LRRC19: variants seen among roughly 807,000 people sequenced by gnomAD.
The protein encoded by LRRC19 is leucine-rich repeat-containing protein 19.
In LRRC19, 33 loss-of-function variants were observed where a neutral mutation model predicts 33.3. The observed-to-expected ratio is 0.99, with a 90% CI of 0.75 to 1.33. The LOEUF (loss-of-function observed/expected upper bound fraction) is 1.33. Among genes scored for constraint, LRRC19 ranks in the 40% most tolerant of loss-of-function variants. The pLI, the probability that LRRC19 is intolerant of heterozygous loss-of-function variation, is 0.00. For synonymous variants in LRRC19, 184 were observed against 152.3 expected (o/e 1.21, Z -1.53); for missense variants, 463 against 417.3 (o/e 1.11, Z -0.95).
At position 26,995,641 on chromosome 9, in the gene LRRC19, T is replaced by C; in HGVS notation, c.993A>G (p.Pro331=). ...TGNPSSLSQI[P]ETNSEETTVI... is the part of the protein sequence containing the mutation. ...CTGTAGTTTCTTCAGAGTTTGTTTCTGGTATCTGTGAAAGAGAGCTTGGAT... is the reference window on the plus strand; with the variant it reads ...CTGTAGTTTCTTCAGAGTTTGTTTCCGGTATCTGTGAAAGAGAGCTTGGAT... Residue 331 remains proline (P), a synonymous_variant, in exon 5 of 5, where the codon CCA becomes CCG. Transcript: ENST00000380055. 1 of 1,613,838 alleles carries C rather than the reference T, an allele frequency of 6.2e-7. No homozygotes were observed. Among genetic ancestry groups the C allele is most frequent in the South Asian group, 1.1e-5 (1 of 91,074 alleles).
In LRRC19 at chr9:26,994,750, C is replaced by G. The variant is rs187660901; in HGVS notation, c.*771G>C. 1 of 152,472 alleles carries G rather than the reference C, an allele frequency of 6.6e-6. No homozygotes were observed. Among genetic ancestry groups the G allele is most frequent in the South Asian group, 2.1e-4 (1 of 4,824 alleles). 9.4% of individuals were successfully genotyped at this position (152,472 alleles called of 1,614,324 possible). ...GCTGTCCATGGACCACATGAAGATT[C>G]CTTAGTGTCAGCACAGACCAATTTG... is the stretch of plus-strand genomic sequence containing the variant. On this transcript the variant is annotated 3_prime_UTR_variant, in exon 5 of 5. Transcript: ENST00000380055.
At chr9:26,996,740 T>C (rs574421334) in intron 3 of LRRC19, among the ~76,000 whole-genome samples, 1 of 152,034 alleles carries the variant, frequency 6.6e-6, no homozygotes, top group South Asian at 2.1e-4. Flanking sequence ...GTGTAGATTT[T>C]ATTATTAATA....
chr9:26,997,745 G>T lies in LRRC19; in HGVS notation c.578C>A (p.Thr193Lys). The T allele has an allele frequency of 6.2e-7, 1 of 1,603,556 alleles. No homozygotes were observed. The highest frequency in any genetic ancestry group is 8.5e-7 in the Non-Finnish European group (1 of 1,177,038). ...SLFNLQNWLNTSNVTLENENI... is the reference protein window; with the variant it reads ...SLFNLQNWLNKSNVTLENENI... ...TAGCTTACCTAATGTCACATTTGATGTGTTCAACCAGTTCTGCAAATTAAA... is the reference window on the plus strand; with the variant it reads ...TAGCTTACCTAATGTCACATTTGATTTGTTCAACCAGTTCTGCAAATTAAA... Residue 193 changes from threonine to lysine, a missense_variant, in exon 3 of 5, where the codon ACA becomes AAA. Transcript: ENST00000380055.
At position 26,997,731 on chromosome 9, in the gene LRRC19, A is replaced by T. The variant is rs748518321; in HGVS notation, c.592T>A (p.Leu198Ile). The change falls in exon 3 of 5, where the codon TTA becomes ATA. Residue 198 changes from leucine (L) to isoleucine (I), a missense_variant. Leu to Ile is a conservative substitution (Grantham distance 5). Transcript: ENST00000380055. ...QNWLNTSNVT[L>I]ENENITMCSY... is the part of the protein sequence containing the mutation. Reference sequence around the variant, plus strand: ...TTGCTTAATTATGATAGCTTACCTAATGTCACATTTGATGTGTTCAACCAG... The same window carrying T: ...TTGCTTAATTATGATAGCTTACCTATTGTCACATTTGATGTGTTCAACCAG... 1.9e-6 allele frequency: 3 copies of T among 1,589,910 alleles called. No homozygotes were observed. In the African/African-American group the frequency reaches 4.1e-5, roughly 22 times the overall value.
intron 3 of LRRC19, 21 bp downstream of exon 3, chr9:26,997,707 T>C (rs199535316): frequency 3.6e-5 from 57 of 1,562,234 alleles, no homozygotes; most frequent in Non-Finnish European, 4.8e-5. Context: ...ATTTTGGTTT[T>C]GCTTAATTAT....
In LRRC19 at chr9:26,995,451, A is replaced by G. The variant is rs1358668443; in HGVS notation, c.*70T>C. ...TGCCAGCTGTATTTTGTTATGTCAC[A>G]TAGCAAAATCTCCATATCTAAACTG... On this transcript the variant is annotated 3_prime_UTR_variant, in exon 5 of 5. Coordinates refer to ENST00000380055, the MANE Select transcript of LRRC19 (RefSeq NM_022901.3). 1 of 862,840 alleles carries G rather than the reference A, an allele frequency of 1.2e-6. No homozygotes were observed. Among genetic ancestry groups the G allele is most frequent in the Non-Finnish European group, 1.8e-6 (1 of 566,064 alleles). 53.4% of individuals were successfully genotyped at this position (862,840 alleles called of 1,614,324 possible).
chr9:26,995,956 C>T, intron 4 of LRRC19, 107 bp from the exon 5 acceptor site: 1 of 797,034 alleles, frequency 1.3e-6, no homozygotes, highest in Non-Finnish European at 1.9e-6. Context: ...TAAAAATAAA[C>T]ATACATTGTA....
chr9:27,000,423 T>C (rs528212173), intron 1 of LRRC19, among the ~76,000 whole-genome samples: 1 of 152,316 alleles, frequency 6.6e-6, no homozygotes, highest in South Asian at 2.1e-4. Context: ...ATTGGCATTA[T>C]CTATCTATTA....
At position 26,993,877 on chromosome 9, in the gene LRRC19, T is replaced by A. The variant is rs950231807; in HGVS notation, c.*1644A>T. Reference sequence around the variant, plus strand: ...TTATTTCACCCATCAATATATTTCATTATTTCAGAGATATACATATTTGTA... The same window carrying A: ...TTATTTCACCCATCAATATATTTCAATATTTCAGAGATATACATATTTGTA... On this transcript the variant is annotated 3_prime_UTR_variant, in exon 5 of 5. Coordinates refer to ENST00000380055, the MANE Select transcript of LRRC19 (RefSeq NM_022901.3). The A allele has an allele frequency of 2.0e-5, 3 of 152,212 alleles. No individual in the cohort carries two copies. The highest frequency in any genetic ancestry group is 2.9e-5 in the Non-Finnish European group (2 of 68,032). The allele number at this position is 152,212 out of a possible 1,614,324, so 9.4% of individuals were successfully genotyped here. A position where few individuals can be genotyped will look rare whatever the true frequency, so the allele number is the denominator to read the frequency against.
chr9:26,995,903 A>G (rs554756773), intron 4 of LRRC19, 54 bp from the exon 5 acceptor site: 3 of 1,238,148 alleles, frequency 2.4e-6, no homozygotes, highest in Admixed American at 4.6e-5. Context: ...AAGTTGGCAA[A>G]ATAATCATAA....
At chr9:27,004,284 G>A (rs1828661133) in intron 1 of LRRC19, among the ~76,000 whole-genome samples, 1 of 152,170 alleles carries the variant, frequency 6.6e-6, no homozygotes, top group South Asian at 2.1e-4. Flanking sequence ...ATTAGAAAAG[G>A]ATTTTTTTTC....
At chr9:27,002,005 G>T (rs1828522004) in intron 1 of LRRC19, among the ~76,000 whole-genome samples, 2 of 151,726 alleles carry the variant, frequency 1.3e-5, no homozygotes, top group Non-Finnish European at 2.9e-5. Context: ...TGTACAGGAT[G>T]CACGTCTGGG....
At position 26,995,542 on chromosome 9, in the gene LRRC19, A is replaced by G. The variant is rs760530958; in HGVS notation, c.1092T>C (p.His364=). 3 of 1,565,138 alleles carry G rather than the reference A, an allele frequency of 1.9e-6. No homozygotes were observed. The highest frequency in any genetic ancestry group is 2.6e-6 in the Non-Finnish European group (3 of 1,149,114). The part of the protein sequence containing the change: ...GFIEDKYIDI[H]ELCEEN ...GAAATTAATTTTCTTCACATAATTCATGGATATCTATATATTTGTCTTCAA... is the reference window on the plus strand; with the variant it reads ...GAAATTAATTTTCTTCACATAATTCGTGGATATCTATATATTTGTCTTCAA... The change falls in exon 5 of 5, where the codon CAT becomes CAC. Residue 364 remains histidine, a synonymous_variant. Transcript: ENST00000380055.
chr9:26,997,468 G>A (rs997323021), intron 3 of LRRC19, among the ~76,000 whole-genome samples: 16 of 151,540 alleles, frequency 1.1e-4, no homozygotes, highest in African/African-American at 3.9e-4. Flanking sequence ...TGAGTACCTG[G>A]TACTACAGGC....
chr9:27,000,766 C>T (rs558653386), intron 1 of LRRC19, among the ~76,000 whole-genome samples: 32 of 152,286 alleles, frequency 2.1e-4, no homozygotes, highest in Non-Finnish European at 3.2e-4. Flanking sequence ...GTGCAGCAAA[C>T]CACCGTGGCA....
In LRRC19 at chr9:26,997,827, ATAG is replaced by A; in HGVS notation, c.493_495del (p.Leu165del). ...TATAAAGTTATTAATTCCAGATGAA[ATAG>A]TGGTGGTACATCCAAATAGCTAATC... On this transcript the variant is annotated inframe_deletion, in exon 3 of 5. Transcript: ENST00000380055. The A allele has an allele frequency of 1.2e-6, 2 of 1,614,196 alleles. No individual in the cohort carries two copies. Among genetic ancestry groups the A allele is most frequent in the South Asian group, 1.1e-5 (1 of 91,068 alleles).
At chr9:27,003,434 A>C (rs552438067) in intron 1 of LRRC19, among the ~76,000 whole-genome samples, 1 of 152,174 alleles carries the variant, frequency 6.6e-6, no homozygotes, top group Admixed American at 6.5e-5. Flanking sequence ...GAGGCAGCAG[A>C]ATTGTTTGAA....
intron 2 of LRRC19, among the ~76,000 whole-genome samples, chr9:26,999,223 T>G (rs1828342293): frequency 6.6e-6 from 1 of 152,206 alleles, no homozygotes; most frequent in Non-Finnish European, 1.5e-5. Context: ...AAACTAAGAA[T>G]AAATAGAACT....
Position 26,994,535 on chromosome 9 carries a change from TCA to T in LRRC19, c.*984_*985del, listed in dbSNP as rs1828042396. 1 of 111,790 alleles carries T rather than the reference TCA, an allele frequency of 8.9e-6. No homozygotes were observed. The highest frequency in any genetic ancestry group is 1.8e-5 in the Non-Finnish European group (1 of 56,252). 6.9% of individuals were successfully genotyped at this position (111,790 alleles called of 1,614,324 possible). ...CTGGGAGACAGTGCGAGACTTTGTC[TCA>T]AAAAAAAAAAAAAAAAAAAGAAAAA... is the stretch of plus-strand genomic sequence containing the variant. On this transcript the variant is annotated 3_prime_UTR_variant, in exon 5 of 5. Transcript: ENST00000380055.
Sources: allele counts gnomAD v4.1 joint callset (sites outside exome capture counted in the v4.1 genomes callset), GRCh38; gene constraint gnomAD v4.1.1; transcripts MANE v1.5; gene names NCBI Gene and HGNC (gene_info 2026-07-23, HGNC 2026-07-21).